DLC1: variants seen among roughly 807,000 people sequenced by gnomAD.
DLC1 encodes the protein DLC1 Rho GTPase activating protein, also known as rho GTPase-activating protein 7.
A neutral mutation model predicts 140.3 loss-of-function variants in DLC1; 54 were observed. The ratio of observed to expected loss-of-function variants is 0.38; its 90% CI spans 0.31 to 0.48. The LOEUF is 0.48. DLC1 is among the 20% of genes least tolerant of loss of function. The pLI, the probability that DLC1 is intolerant of heterozygous loss-of-function variation, is 0.96. For synonymous variants in DLC1, 986 were observed against 728.1 expected, an observed-to-expected ratio of 1.35 and a Z score of -5.70; for missense variants, 2,536 against 1,907.0, an observed-to-expected ratio of 1.33 and a Z score of -6.14.
intron 5 of DLC1, among the ~76,000 whole-genome samples, chr8:13,301,545 G>A (rs964354378): frequency 6.6e-6 from 1 of 152,206 alleles, no homozygotes; most frequent in South Asian, 2.1e-4. Flanking sequence ...CTTGATTTGT[G>A]TTCTGGAAAT....
intron 13 of DLC1, 141 bp downstream of exon 13, chr8:13,092,471 G>C (rs745895232): frequency 1.3e-4 from 116 of 861,866 alleles, no homozygotes; most frequent in Non-Finnish European, 1.9e-4. Flanking sequence ...GTCTTTATTA[G>C]CGGTGTGAGA....
At chr8:13,535,065 C>A (rs553274910) in intron 1 of DLC1, among the ~76,000 whole-genome samples, 7 of 152,200 alleles carry the variant, frequency 4.6e-5, no homozygotes, top group African/African-American at 1.7e-4. Context: ...CACTGACCAA[C>A]GTTTTGATCA....
intron 2 of DLC1, among the ~76,000 whole-genome samples, chr8:13,461,178 C>G (rs1035682822): frequency 6.6e-6 from 1 of 152,220 alleles, no homozygotes; most frequent in Non-Finnish European, 1.5e-5. Context: ...CGAGTGCACC[C>G]CAGCCTGGCG....
chr8:13,141,998 G>A (rs1486210465), intron 5 of DLC1, among the ~76,000 whole-genome samples: 1 of 152,166 alleles, frequency 6.6e-6, no homozygotes, highest in Non-Finnish European at 1.5e-5. Flanking sequence ...TTGGATTACG[G>A]GGGTGGTTTC....
At chr8:13,565,382 T>C (rs1255586848) in intron 1 of DLC1, among the ~76,000 whole-genome samples, 1 of 152,190 alleles carries the variant, frequency 6.6e-6, no homozygotes, top group Non-Finnish European at 1.5e-5. Context: ...TAAATATGAA[T>C]GTGTAAATAT....
At chr8:13,233,006 C>A (rs891357446) in intron 5 of DLC1, among the ~76,000 whole-genome samples, 25 of 152,028 alleles carry the variant, frequency 1.6e-4, no homozygotes, top group African/African-American at 5.8e-4. Context: ...CATATATTCA[C>A]ATTTGTGGCT....
At chr8:13,192,729 G>C (rs1366964995) in intron 5 of DLC1, among the ~76,000 whole-genome samples, 1 of 152,184 alleles carries the variant, frequency 6.6e-6, no homozygotes, top group East Asian at 1.9e-4. Flanking sequence ...GTTAGGGCAG[G>C]ATCCTGATCC....
At chr8:13,384,309 C>T (rs568285441) in intron 4 of DLC1, among the ~76,000 whole-genome samples, 1 of 144,442 alleles carries the variant, frequency 6.9e-6, no homozygotes, top group African/African-American at 2.5e-5. Flanking sequence ...ACACTCCCAC[C>T]CCACAATCTT....
chr8:13,283,293 AACAC>A (rs58438325), intron 5 of DLC1, among the ~76,000 whole-genome samples: 56 of 145,060 alleles, frequency 3.9e-4, no homozygotes, highest in Middle Eastern at 3.5e-3. Flanking sequence ...ATCCTACTGA[AACAC>A]ACACACACAC....
rs183625567 is a variant in DLC1, at chr8:13,181,417, A to G, written c.1349-65760T>C. 3.4e-3 allele frequency among the ~76,000 whole-genome samples: 515 copies of G among 149,624 alleles called. 6 individuals are homozygous for G. The highest frequency in any genetic ancestry group is 0.012 in the African/African-American group (493 of 40,472). ...TTTGATACATAGGTATACATGGGCC[A>G]TGTTGCTTTGCTGCACCCATCAACT... On this transcript the variant is annotated intron_variant, in intron 5 of 17. Transcript: ENST00000276297.
chr8:13,525,558 G>A (rs1031581097), intron 1 of DLC1, among the ~76,000 whole-genome samples: 1 of 152,076 alleles, frequency 6.6e-6, no homozygotes, highest in African/African-American at 2.4e-5. Flanking sequence ...TTCTCATTGT[G>A]GTTTTAACTT....
intron 5 of DLC1, among the ~76,000 whole-genome samples, chr8:13,188,825 ATGTATATATATATATATATTTTTTTT>A (rs1563149769): frequency 5.4e-5 from 2 of 37,152 alleles, no homozygotes; most frequent in South Asian, 1.8e-3. Context: ...ATATATATAT[ATGTATATATATATATATATTTTTTTT>A]TTTTTTTTTT....
intron 5 of DLC1, among the ~76,000 whole-genome samples, chr8:13,178,662 T>TG (rs397798899): frequency 6.7e-6 from 1 of 150,288 alleles, no homozygotes; most frequent in Non-Finnish European, 1.5e-5. Context: ...TTTTTTTTTT[T>TG]GCAAAACATA....
intron 1 of DLC1, among the ~76,000 whole-genome samples, chr8:13,570,318 A>G (rs1228077976): frequency 1.4e-5 from 2 of 145,732 alleles, no homozygotes; most frequent in Non-Finnish European, 3.0e-5. Context: ...ATTATACTTT[A>G]AGTTTTAGGG....
chr8:13,281,703 G>T (rs1831371048), intron 5 of DLC1, among the ~76,000 whole-genome samples: 1 of 152,126 alleles, frequency 6.6e-6, no homozygotes, highest in Non-Finnish European at 1.5e-5. Context: ...TTGTTGGAGG[G>T]CATAGTGTTG....
At chr8:13,289,321 G>C (rs1383237911) in intron 5 of DLC1, among the ~76,000 whole-genome samples, 1 of 152,110 alleles carries the variant, frequency 6.6e-6, no homozygotes, top group Non-Finnish European at 1.5e-5. Flanking sequence ...CTCCAGAGTA[G>C]CTAGGACTAC....
chr8:13,316,728 C>T (rs962962370), intron 4 of DLC1, among the ~76,000 whole-genome samples: 1 of 152,118 alleles, frequency 6.6e-6, no homozygotes, highest in Non-Finnish European at 1.5e-5. Flanking sequence ...ATTTTCTCCT[C>T]TCTGGGTTCT....
intron 2 of DLC1, among the ~76,000 whole-genome samples, chr8:13,403,202 C>T (rs1166710196): frequency 6.6e-6 from 1 of 152,190 alleles, no homozygotes; most frequent in African/African-American, 2.4e-5. Flanking sequence ...CTGTTTGAAA[C>T]AAGACTGTGA....
At chr8:13,594,341 G>T (rs1198384856) in intron 1 of DLC1, among the ~76,000 whole-genome samples, 1 of 152,006 alleles carries the variant, frequency 6.6e-6, no homozygotes, top group Non-Finnish European at 1.5e-5. Flanking sequence ...ACTTCGCTCT[G>T]TATCAGTTCA....
Sources: gnomAD v4.1 joint callset for allele counts (sites outside exome capture counted in the v4.1 genomes callset) on GRCh38, gnomAD v4.1.1 for gene constraint, MANE v1.5 for transcripts, NCBI Gene and HGNC (gene_info 2026-07-23, HGNC 2026-07-21) for gene names.